Variants in CTNNA3 observed in about 807,000 individuals in gnomAD.
The protein encoded by CTNNA3 is catenin alpha 3.
Under a neutral mutation model 95.7 loss-of-function variants are expected in CTNNA3, and 76 were observed. The observed-to-expected ratio is 0.79, with a 90% confidence interval of 0.66 to 0.96. The LOEUF (loss-of-function observed/expected upper bound fraction) is 0.96, where lower values mean the gene tolerates loss of function less well. CTNNA3 is among the 40% of genes least tolerant of loss of function. The probability of loss-of-function intolerance (pLI) is 0.00; values close to 1 mark genes in which losing one functional copy is unlikely to be tolerated. For synonymous variants in CTNNA3, 431 were observed against 374.4 expected, an observed-to-expected ratio of 1.15 and a Z score of -1.74; for missense variants, 1,191 against 1,089.8, an observed-to-expected ratio of 1.09 and a Z score of -1.31.
At chr10:67,051,127 A>C (rs1320886729) in intron 7 of CTNNA3, among the ~76,000 whole-genome samples, 3 of 152,222 alleles carry the variant, frequency 2.0e-5, no homozygotes, top group Non-Finnish European at 4.4e-5. Context: ...CAATGCCACA[A>C]AGCCAAAATC....
intron 3 of CTNNA3, among the ~76,000 whole-genome samples, chr10:67,577,007 T>A (rs1264379166): frequency 6.7e-6 from 1 of 149,186 alleles, no homozygotes; most frequent in Non-Finnish European, 1.5e-5. Flanking sequence ...AGTGCCACAA[T>A]AAACATACGT....
intron 5 of CTNNA3, among the ~76,000 whole-genome samples, chr10:67,442,681 T>C (rs10997642): frequency 0.73 from 110,992 of 151,940 alleles, 43,501 homozygotes; most frequent in Non-Finnish European, 0.88. Context: ...ATATAAAAAT[T>C]GTAAATATAT....
chr10:66,957,547 A>T (rs1848890248), intron 7 of CTNNA3, among the ~76,000 whole-genome samples: 1 of 151,404 alleles, frequency 6.6e-6, no homozygotes, highest in Admixed American at 6.6e-5. Flanking sequence ...TAGGGTAAAG[A>T]GTCCTGGGTC....
At chr10:66,419,319 A>G (rs994038318) in intron 11 of CTNNA3, among the ~76,000 whole-genome samples, 2 of 152,112 alleles carry the variant, frequency 1.3e-5, no homozygotes, top group Non-Finnish European at 2.9e-5. Context: ...AAAAAATTAC[A>G]TAGGAATAAA....
At chr10:66,661,185 A>C (rs1846251298) in intron 9 of CTNNA3, among the ~76,000 whole-genome samples, 1 of 152,266 alleles carries the variant, frequency 6.6e-6, no homozygotes, top group Admixed American at 6.5e-5. Flanking sequence ...ATATTATATT[A>C]GTCCATTTTC....
At chr10:67,110,204 G>A (rs769421555) in intron 7 of CTNNA3, among the ~76,000 whole-genome samples, 122 of 152,240 alleles carry the variant, frequency 8.0e-4, no homozygotes, top group Admixed American at 1.8e-3. Context: ...CACCCTTAAT[G>A]TGAATGTTTT....
At chr10:67,545,701 C>T (rs7075044) in intron 3 of CTNNA3, among the ~76,000 whole-genome samples, 2 of 152,008 alleles carry the variant, frequency 1.3e-5, no homozygotes, top group African/African-American at 2.4e-5. Flanking sequence ...CATGAAGACA[C>T]CAAAACTGGA....
intron 10 of CTNNA3, among the ~76,000 whole-genome samples, chr10:66,528,972 G>T (rs1326919109): frequency 6.6e-6 from 1 of 151,976 alleles, no homozygotes; most frequent in East Asian, 1.9e-4. Flanking sequence ...TATTTTTCTG[G>T]ATTTTGCTAT....
At chr10:66,846,767 A>T (rs117155095) in intron 7 of CTNNA3, among the ~76,000 whole-genome samples, 481 of 152,272 alleles carry the variant, frequency 3.2e-3, no homozygotes, top group Non-Finnish European at 5.2e-3. Context: ...GTCAGTCTCA[A>T]ATCAGGTCAT....
At chr10:67,107,349 G>A (rs933989901) in intron 7 of CTNNA3, among the ~76,000 whole-genome samples, 26 of 152,088 alleles carry the variant, frequency 1.7e-4, no homozygotes, top group African/African-American at 6.0e-4. Context: ...TCTTTGAGGT[G>A]GGGGAAAAGA....
intron 15 of CTNNA3, among the ~76,000 whole-genome samples, chr10:66,021,852 C>CTTTTTTTTTTTTTTTTTCTTTTTT (rs34671813): frequency 1.3e-5 from 1 of 75,952 alleles, no homozygotes. Flanking sequence ...AGGATCTTGG[C>CTTTTTTTTTTTTTTTTTCTTTTTT]TTTTTTTTTT....
At chr10:66,996,223 T>C (rs1652479483) in intron 7 of CTNNA3, among the ~76,000 whole-genome samples, 1 of 152,204 alleles carries the variant, frequency 6.6e-6, no homozygotes, top group South Asian at 2.1e-4. Context: ...ATTAGAGATG[T>C]TAACAAATGC....
chr10:67,553,835 G>A (rs1841121814), intron 3 of CTNNA3, among the ~76,000 whole-genome samples: 1 of 151,684 alleles, frequency 6.6e-6, no homozygotes, highest in Admixed American at 6.6e-5. Flanking sequence ...ATGTATACAT[G>A]TGCCATGTTG....
chr10:67,737,628 T>C (rs1449824585), intron 1 of CTNNA3, among the ~76,000 whole-genome samples: 2 of 152,148 alleles, frequency 1.3e-5, no homozygotes, highest in African/African-American at 2.4e-5. Flanking sequence ...ATAAGACATT[T>C]ATGCAGCCAA....
chr10:66,152,605 G>A (rs1218454276), intron 13 of CTNNA3, among the ~76,000 whole-genome samples: 1 of 151,906 alleles, frequency 6.6e-6, no homozygotes, highest in Admixed American at 6.6e-5. Flanking sequence ...AGATGAGAAA[G>A]AGTGTATAAG....
At chr10:66,953,365 G>A (rs1439555339) in intron 7 of CTNNA3, among the ~76,000 whole-genome samples, 1 of 152,146 alleles carries the variant, frequency 6.6e-6, no homozygotes, top group Admixed American at 6.6e-5. Context: ...CTCACTGCCG[G>A]TTGTCTGAAA....
chr10:66,173,419 A>G (rs763355571), intron 13 of CTNNA3, among the ~76,000 whole-genome samples: 3 of 152,170 alleles, frequency 2.0e-5, no homozygotes, highest in Non-Finnish European at 4.4e-5. Context: ...ATGTGGTAAC[A>G]AAGAATATTG....
At chr10:66,880,680 AC>A (rs2132466189) in intron 7 of CTNNA3, among the ~76,000 whole-genome samples, 1 of 152,210 alleles carries the variant, frequency 6.6e-6, no homozygotes, top group East Asian at 1.9e-4. Flanking sequence ...AAGCAATGAC[AC>A]TTTTTTTCTC....
At chr10:66,591,085 G>C (rs528250760) in intron 10 of CTNNA3, among the ~76,000 whole-genome samples, 1 of 152,252 alleles carries the variant, frequency 6.6e-6, no homozygotes, top group South Asian at 2.1e-4. Flanking sequence ...TCTGTAGTGT[G>C]ATTTCTATTG....
Sources: allele counts gnomAD v4.1 joint callset (sites outside exome capture counted in the v4.1 genomes callset), GRCh38; gene constraint gnomAD v4.1.1; transcripts MANE v1.5; gene names NCBI Gene and HGNC (gene_info 2026-07-23, HGNC 2026-07-21).